GSE1: variants seen among roughly 807,000 people sequenced by gnomAD.
GSE1 encodes the protein genetic suppressor element 1.
Under a neutral mutation model 112.6 loss-of-function variants are expected in GSE1, and 32 were observed. The observed-to-expected ratio is 0.28, with a 90% CI of 0.21 to 0.38. The LOEUF (loss-of-function observed/expected upper bound fraction) is 0.38, where lower values mean the gene tolerates loss of function less well. GSE1 is among the 10% of genes least tolerant of loss of function. GSE1 has a pLI of 1.00. For missense variants in GSE1, 2,348 were observed against 1,699.2 expected (o/e 1.38, Z -6.71); for synonymous variants, 1,115 against 735.6 (o/e 1.52, Z -8.35).
chr16:85,187,356 C>A (rs772746166), intron 1 of GSE1, among the ~76,000 whole-genome samples: 45 of 152,252 alleles, frequency 3.0e-4, no homozygotes, highest in Non-Finnish European at 5.6e-4. Flanking sequence ...GTGCTGGGGG[C>A]AGCTTCAGGC....
chr16:85,637,627 T>G (rs568279918), intron 2 of GSE1, among the ~76,000 whole-genome samples: 2 of 152,348 alleles, frequency 1.3e-5, no homozygotes, highest in African/African-American at 4.8e-5. Flanking sequence ...CTCTGGTGGA[T>G]GAGAACTGAG....
At chr16:85,196,129 C>T (rs2074922276) in intron 1 of GSE1, among the ~76,000 whole-genome samples, 2 of 152,170 alleles carry the variant, frequency 1.3e-5, no homozygotes, top group Admixed American at 1.3e-4. Flanking sequence ...TTTTTGCTGC[C>T]AAACGAGTTA....
chr16:85,258,235 G>A (rs1373739458), intron 1 of GSE1, among the ~76,000 whole-genome samples: 1 of 152,204 alleles, frequency 6.6e-6, no homozygotes, highest in Non-Finnish European at 1.5e-5. Context: ...CTGTAAACAT[G>A]GCCCACTGGC....
At chr16:85,200,345 A>G (rs2075005106) in intron 1 of GSE1, among the ~76,000 whole-genome samples, 1 of 149,760 alleles carries the variant, frequency 6.7e-6, no homozygotes, top group Non-Finnish European at 1.5e-5. Context: ...TCACAGGGAG[A>G]ATAATGAATG....
intron 1 of GSE1, among the ~76,000 whole-genome samples, chr16:85,334,131 C>A (rs1259689549): frequency 6.6e-6 from 1 of 152,174 alleles, no homozygotes; most frequent in African/African-American, 2.4e-5. Flanking sequence ...TCTTCTGAGC[C>A]CACGCGGCCT....
intron 1 of GSE1, among the ~76,000 whole-genome samples, chr16:85,193,593 G>T (rs1219489812): frequency 4.6e-5 from 7 of 152,108 alleles, no homozygotes; most frequent in Non-Finnish European, 8.8e-5. Flanking sequence ...CCGAGTAGCT[G>T]GGATTACAGG....
chr16:85,640,894 C>T (rs1296206541), intron 2 of GSE1, among the ~76,000 whole-genome samples: 1 of 151,934 alleles, frequency 6.6e-6, no homozygotes, highest in African/African-American at 2.4e-5. Flanking sequence ...CTCCGTTCTC[C>T]TGGCCCGGGG....
At chr16:85,432,219 G>T (rs572945413) in intron 2 of GSE1, among the ~76,000 whole-genome samples, 232 of 152,376 alleles carry the variant, frequency 1.5e-3, no homozygotes, top group Non-Finnish European at 2.5e-3. Flanking sequence ...AGAACATTCT[G>T]CCATTGGCCA....
At chr16:85,285,241 C>A (rs1255698908) in intron 1 of GSE1, 1 of 152,166 alleles carries the variant, frequency 6.6e-6, no homozygotes, top group African/African-American at 2.4e-5. Flanking sequence ...TTCTTCCTGC[C>A]CCAAACAGTC....
chr16:85,262,169 G>T, intron 1 of GSE1, among the ~76,000 whole-genome samples: 1 of 152,210 alleles, frequency 6.6e-6, no homozygotes, highest in East Asian at 1.9e-4. Flanking sequence ...ACTTCTTTCT[G>T]AAAACTGACG....
Position 85,654,969 on chromosome 16 carries a change from C to T in GSE1, c.775C>T (p.Pro259Ser), listed in dbSNP as rs764808636. The change falls in exon 5 of 16, where the codon CCC becomes TCC. Residue 259 changes from proline (P) to serine (S), a missense_variant. Physicochemically the swap from Pro to Ser is moderately conservative, Grantham distance 74. Coordinates refer to ENST00000253458, the MANE Select transcript of GSE1 (RefSeq NM_014615.5). ...YYHPSYLAPH[P>S]FPHPAFRMDD... is the part of the protein sequence containing the mutation. Reference sequence around the variant, plus strand: ...CCACCCCAGCTACCTGGCCCCACACCCCTTCCCCCACCCGGCCTTCAGGTG... The same window carrying T: ...CCACCCCAGCTACCTGGCCCCACACTCCTTCCCCCACCCGGCCTTCAGGTG... The T allele has an allele frequency of 6.2e-6, 10 of 1,601,780 alleles. No homozygotes were observed. In the East Asian group the frequency reaches 2.0e-4, roughly 32 times the overall value.
intron 1 of GSE1, among the ~76,000 whole-genome samples, chr16:85,613,798 G>A (rs1226303495): frequency 1.4e-5 from 2 of 145,740 alleles, no homozygotes; most frequent in African/African-American, 5.0e-5. Flanking sequence ...GGGAGGGAGC[G>A]AATGGGGGTG....
intron 2 of GSE1, among the ~76,000 whole-genome samples, chr16:85,420,965 G>A (rs1272832696): frequency 2.6e-5 from 4 of 152,212 alleles, no homozygotes. Context: ...GGGCTGCAGC[G>A]TCTGCGCCGC....
chr16:85,551,589 C>G (rs964566463), upstream of GSE1, among the ~76,000 whole-genome samples: 1 of 152,120 alleles, frequency 6.6e-6, no homozygotes, highest in Non-Finnish European at 1.5e-5. Flanking sequence ...GGGTTGCTTT[C>G]TGTTTCTCAG....
At chr16:85,207,433 G>A (rs528085116) in intron 1 of GSE1, among the ~76,000 whole-genome samples, 3 of 152,362 alleles carry the variant, frequency 2.0e-5, no homozygotes, top group Non-Finnish European at 4.4e-5. Context: ...GCCGGCCCCC[G>A]GGTGATGGCA....
intron 1 of GSE1, among the ~76,000 whole-genome samples, chr16:85,173,006 C>A (rs922378516): frequency 2.6e-5 from 4 of 152,190 alleles, no homozygotes; most frequent in African/African-American, 7.2e-5. Context: ...GTCTTTGTGG[C>A]TTTGGTGGGA....
chr16:85,354,014 C>T (rs2046901891), intron 1 of GSE1, among the ~76,000 whole-genome samples: 1 of 152,230 alleles, frequency 6.6e-6, no homozygotes, highest in Admixed American at 6.5e-5. Flanking sequence ...GCCTCCCACA[C>T]CTGGAATGCT....
intron 2 of GSE1, among the ~76,000 whole-genome samples, chr16:85,518,455 C>T (rs1054183144): frequency 9.2e-5 from 14 of 152,008 alleles, no homozygotes; most frequent in Admixed American, 5.9e-4. Flanking sequence ...CAGAGGAAAC[C>T]GAGGCGCAGA....
intron 1 of GSE1, among the ~76,000 whole-genome samples, chr16:85,632,642 C>G (rs998950216): frequency 1.3e-5 from 2 of 152,184 alleles, no homozygotes; most frequent in African/African-American, 4.8e-5. Context: ...GCTCTGGAGG[C>G]CAGGGCAGCC....
Sources: allele counts gnomAD v4.1 joint callset (sites outside exome capture counted in the v4.1 genomes callset), GRCh38; gene constraint gnomAD v4.1.1; transcripts MANE v1.5; gene names NCBI Gene and HGNC (gene_info 2026-07-23, HGNC 2026-07-21).